Variants in LAMA4 observed in about 807,000 individuals in gnomAD.
LAMA4 encodes the protein laminin subunit alpha 4.
A neutral mutation model predicts 207.1 loss-of-function variants in LAMA4; 127 were observed. That is an observed-to-expected ratio of 0.61 (90% CI 0.53 to 0.71). The LOEUF is 0.71. Ranked by LOEUF, LAMA4 falls within the 30% of genes least tolerant of loss-of-function variation. LAMA4 has a pLI of 0.00. For missense variants in LAMA4, 2,093 were observed against 2,246.5 expected (o/e 0.93, Z 1.38); for synonymous variants, 761 against 816.0 (o/e 0.93, Z 1.15).
Position 112,165,248 on chromosome 6 carries a change from A to G in LAMA4, c.1580T>C (p.Met527Thr), listed in dbSNP as rs782032951. The change falls in exon 13 of 39, where the codon ATG becomes ACG. Residue 527 changes from methionine (M) to threonine (T), a missense_variant. Physicochemically the swap from Met to Thr is moderately conservative, Grantham distance 81. Transcript: ENST00000230538. ...EKQQERVREQ[M>T]EVVNMSLSTS... ...GCTCAGAGACATGTTCACCACTTCC[A>G]TTTGTTCCCTCACTCTTTCCTGTTG... 24 of 1,612,934 alleles carry G rather than the reference A, an allele frequency of 1.5e-5. No individual in the cohort carries two copies. The highest frequency in any genetic ancestry group is 2.7e-5 in the African/African-American group (2 of 74,888).
intron 12 of LAMA4, among the ~76,000 whole-genome samples, chr6:112,168,055 G>A (rs537808912): frequency 3.0e-4 from 45 of 151,978 alleles, no homozygotes; most frequent in African/African-American, 1.0e-3. Flanking sequence ...AAAATTAGCC[G>A]GGCGTGGTGG....
At chr6:112,250,409 G>C (rs781060644) in intron 2 of LAMA4, among the ~76,000 whole-genome samples, 1 of 152,202 alleles carries the variant, frequency 6.6e-6, no homozygotes, top group Non-Finnish European at 1.5e-5. Context: ...CTGCTTTATA[G>C]AGTTTCTTTT....
At chr6:112,119,601 T>G (rs1778226870) in intron 33 of LAMA4, among the ~76,000 whole-genome samples, 1 of 152,240 alleles carries the variant, frequency 6.6e-6, no homozygotes, top group Non-Finnish European at 1.5e-5. Flanking sequence ...TTGCTTTATA[T>G]GCATAGGTGT....
At chr6:112,134,946 TA>T (rs67315168) in intron 25 of LAMA4, among the ~76,000 whole-genome samples, 23 of 146,664 alleles carry the variant, frequency 1.6e-4, no homozygotes, top group Middle Eastern at 3.4e-3. Context: ...TCTTTTTTTT[TA>T]AAAAAACAAC....
intron 2 of LAMA4, among the ~76,000 whole-genome samples, chr6:112,229,678 C>CCAT (rs1785434105): frequency 6.6e-6 from 1 of 152,184 alleles, no homozygotes; most frequent in Admixed American, 6.5e-5. Context: ...GGAATTCTAT[C>CCAT]CATCTGGGGA....
At chr6:112,224,325 C>T (rs528248955) in intron 2 of LAMA4, among the ~76,000 whole-genome samples, 113 of 152,294 alleles carry the variant, frequency 7.4e-4, no homozygotes, top group Non-Finnish European at 6.0e-4. Flanking sequence ...GGGTATATAT[C>T]CAAGAATATC....
chr6:112,158,710 A>G, intron 14 of LAMA4, 22 bp downstream of exon 14: 1 of 1,605,544 alleles, frequency 6.2e-7, no homozygotes, highest in South Asian at 1.1e-5. Flanking sequence ...AGATATTTGC[A>G]TTTCTAAAAC....
intron 13 of LAMA4, chr6:112,159,096 A>G: frequency 3.7e-6 from 2 of 541,914 alleles, no homozygotes; most frequent in Middle Eastern, 5.0e-4. Context: ...TAGCATTCAC[A>G]ACCCAGAAAT....
At chr6:112,121,141 A>C (rs1346386044) in intron 32 of LAMA4, among the ~76,000 whole-genome samples, 1 of 152,206 alleles carries the variant, frequency 6.6e-6, no homozygotes, top group African/African-American at 2.4e-5. Context: ...CATGTGGACA[A>C]AATACTAGTG....
Position 112,254,501 on chromosome 6 carries a change from A to C in LAMA4, c.-184T>G, listed in dbSNP as rs934605632. 17 of 378,136 alleles carry C rather than the reference A, an allele frequency of 4.5e-5. No homozygotes were observed. The highest frequency in any genetic ancestry group is 7.5e-5 in the Non-Finnish European group (15 of 198,948). 23.4% of individuals were successfully genotyped at this position (378,136 alleles called of 1,614,324 possible). A position where few individuals can be genotyped will look rare whatever the true frequency, so the allele number is the denominator to read the frequency against. ...CAGACGGATTGGGGTGAGCCCCGCC[A>C]GCGCTAGGCCACCTCCTCTCCCTGG... is the stretch of plus-strand genomic sequence containing the variant. On this transcript the variant is annotated 5_prime_UTR_variant, in exon 1 of 39. Transcript: ENST00000230538.
At chr6:112,159,850 T>G (rs771668888) in intron 13 of LAMA4, among the ~76,000 whole-genome samples, 2 of 152,142 alleles carry the variant, frequency 1.3e-5, no homozygotes, top group Non-Finnish European at 2.9e-5. Flanking sequence ...GAAGAATAAC[T>G]CTATAGGCTC....
rs187384845 is a variant in LAMA4, at chr6:112,250,000, C to T, written c.195+3956G>A. Among the ~76,000 whole-genome samples the T allele has an allele frequency of 2.3e-3, 357 of 152,258 alleles. 2 individuals carry two copies. Among genetic ancestry groups the T allele is most frequent in the African/African-American group, 5.9e-3 (247 of 41,546 alleles). On this transcript the variant is annotated intron_variant, in intron 2 of 38. Transcript: ENST00000230538. ...TTTTTTCTCTCTTCAATTGCTCACC[C>T]CTGAGGGCAAAGATGAGACTATACC...
rs143254602 is a variant in LAMA4 at position 112,143,333 on chromosome 6, G to A, written c.2494-1041C>T. On this transcript the variant is annotated intron_variant, in intron 19 of 38. Transcript: ENST00000230538. ...ACACAGTCTCACTGTCACCCAGGCC[G>A]GAGTGCAGTAGCACAATGTCAGCTC... Among the ~76,000 whole-genome samples the A allele has an allele frequency of 6.8e-3, 1,001 of 146,612 alleles. 7 individuals are homozygous for A. The highest frequency in any genetic ancestry group is 0.024 in the African/African-American group (960 of 39,348).
At chr6:112,206,875 T>G (rs1482567586) in intron 4 of LAMA4, 146 bp downstream of exon 4, 2 of 913,708 alleles carry the variant, frequency 2.2e-6, no homozygotes, top group African/African-American at 3.3e-5. Flanking sequence ...AGAAACTTTT[T>G]CTATATCTTT....
At chr6:112,201,737 A>G in intron 4 of LAMA4, 49 bp from the exon 5 acceptor site, 1 of 1,468,728 alleles carries the variant, frequency 6.8e-7, no homozygotes, top group South Asian at 1.1e-5. Context: ...ATCACCAAAG[A>G]GACTGTCTTA....
chr6:112,149,883 C>A (rs1294407990), intron 17 of LAMA4, among the ~76,000 whole-genome samples: 1 of 152,196 alleles, frequency 6.6e-6, no homozygotes, highest in Admixed American at 6.5e-5. Flanking sequence ...CCATATGCTG[C>A]ACTAGTTTTT....
intron 30 of LAMA4, among the ~76,000 whole-genome samples, chr6:112,129,609 T>C (rs1237778988): frequency 6.6e-6 from 1 of 152,166 alleles, no homozygotes; most frequent in African/African-American, 2.4e-5. Flanking sequence ...TTACCCTTCA[T>C]GACAAACCTA....
intron 38 of LAMA4, among the ~76,000 whole-genome samples, chr6:112,112,686 G>A (rs1777772308): frequency 6.6e-6 from 1 of 152,072 alleles, no homozygotes; most frequent in African/African-American, 2.4e-5. Context: ...CTTTGCGAGG[G>A]TCTCAAATAT....
intron 35 of LAMA4, 129 bp from the exon 36 acceptor site, chr6:112,116,122 A>G: frequency 1.1e-6 from 1 of 922,186 alleles, no homozygotes; most frequent in Admixed American, 2.2e-5. Flanking sequence ...AGATAAGTAG[A>G]AAGTGGCTTT....
Sources: allele counts gnomAD v4.1 joint callset (sites outside exome capture counted in the v4.1 genomes callset), GRCh38; gene constraint gnomAD v4.1.1; transcripts MANE v1.5; gene names NCBI Gene and HGNC (gene_info 2026-07-23, HGNC 2026-07-21).